RUFY3: variants seen among roughly 807,000 people sequenced by gnomAD.
RUFY3 encodes RUN and FYVE domain containing 3, also known as protein RUFY3.
RUFY3 carries 34 observed loss-of-function variants against 84.0 expected under a neutral mutation model. The ratio of observed to expected loss-of-function variants is 0.40; its 90% CI spans 0.31 to 0.54. RUFY3 has a LOEUF of 0.54. Among genes scored for constraint, RUFY3 ranks in the 20% least tolerant of loss-of-function variants. The pLI, the probability that RUFY3 is intolerant of heterozygous loss-of-function variation, is 0.39. For missense variants in RUFY3, 507 were observed against 736.8 expected (o/e 0.69, Z 3.61); for synonymous variants, 242 against 252.9 (o/e 0.96, Z 0.41).
At chr4:70,780,094 T>C (rs1405073288) in intron 8 of RUFY3, among the ~76,000 whole-genome samples, 7 of 152,180 alleles carry the variant, frequency 4.6e-5, no homozygotes, top group Non-Finnish European at 1.0e-4. Flanking sequence ...ATCTTAAAAC[T>C]TTATGCTTAG....
chr4:70,773,222 G>A (rs1485641207), intron 5 of RUFY3, among the ~76,000 whole-genome samples: 2 of 152,108 alleles, frequency 1.3e-5, no homozygotes, highest in Admixed American at 6.5e-5. Context: ...CAGAATACCC[G>A]AAATAAGCAA....
chr4:70,794,669 T>G (rs1434377550), intron 13 of RUFY3, 126 bp from the exon 14 acceptor site: 1 of 680,926 alleles, frequency 1.5e-6, no homozygotes, highest in Non-Finnish European at 2.6e-6. Context: ...AAAACCTGTC[T>G]CTCTGACAGC....
At chr4:70,804,907 A>T (rs1732677890) in intron 17 of RUFY3, among the ~76,000 whole-genome samples, 1 of 152,230 alleles carries the variant, frequency 6.6e-6, no homozygotes, top group Non-Finnish European at 1.5e-5. Flanking sequence ...CCTGGGCAAC[A>T]GAGCGAGACT....
At chr4:70,721,857 G>T (rs767335495), upstream of RUFY3, 11 of 1,230,186 alleles carry the variant, frequency 8.9e-6, no homozygotes, top group Non-Finnish European at 1.1e-5. Context: ...GGATGAGAGA[G>T]AGAAGCCTAA....
At chr4:70,762,783 A>G (rs1227594053) in intron 2 of RUFY3, 91 bp downstream of exon 2, 1 of 1,095,276 alleles carries the variant, frequency 9.1e-7, no homozygotes, top group East Asian at 2.5e-5. Context: ...GAGCCAAAGA[A>G]TAAGAGGCTT....
chr4:70,755,969 A>T (rs974137364), intron 1 of RUFY3, among the ~76,000 whole-genome samples: 1 of 151,968 alleles, frequency 6.6e-6, no homozygotes, highest in Admixed American at 6.6e-5. Flanking sequence ...AAAAAAGGAA[A>T]AAAAGAACAT....
At chr4:70,776,602 A>G (rs909797827) in intron 7 of RUFY3, among the ~76,000 whole-genome samples, 1 of 152,114 alleles carries the variant, frequency 6.6e-6, no homozygotes, top group Non-Finnish European at 1.5e-5. Flanking sequence ...GTGAAACCCC[A>G]TCTCTACTAA....
intron 1 of RUFY3, among the ~76,000 whole-genome samples, chr4:70,740,137 A>T (rs892549085): frequency 1.3e-5 from 2 of 152,196 alleles, no homozygotes; most frequent in African/African-American, 2.4e-5. Flanking sequence ...ATAGTGACTC[A>T]AAGGACCTTG....
At position 70,793,775 on chromosome 4, in the gene RUFY3, T is replaced by A; in HGVS notation, c.1338-10T>A. 6.2e-7 allele frequency: 1 copy of A among 1,613,980 alleles called. No individual in the cohort carries two copies. The highest frequency in any genetic ancestry group is 8.5e-7 in the Non-Finnish European group (1 of 1,179,918). The stretch of plus-strand genomic sequence containing the variant: ...GTTTTTTATCACAAGTTCATGTGGC[T>A]CACATCCAGATTGCGCCAGGCTGAG... On this transcript the variant is annotated splice_polypyrimidine_tract_variant and intron_variant, in intron 12 of 17. Transcript: ENST00000381006.
chr4:70,752,930 G>A (rs137872962), intron 1 of RUFY3, among the ~76,000 whole-genome samples: 13 of 152,182 alleles, frequency 8.5e-5, no homozygotes, highest in Admixed American at 2.6e-4. Context: ...GAATGAGTTC[G>A]GAAGTTCTCT....
intron 1 of RUFY3, among the ~76,000 whole-genome samples, chr4:70,756,043 T>C (rs1723961536): frequency 6.6e-6 from 1 of 152,144 alleles, no homozygotes; most frequent in South Asian, 2.1e-4. Flanking sequence ...ATGATTTCTT[T>C]AGTCCAGTGC....
intron 1 of RUFY3, among the ~76,000 whole-genome samples, chr4:70,739,448 C>G (rs1450750258): frequency 6.6e-6 from 1 of 152,106 alleles, no homozygotes; most frequent in African/African-American, 2.4e-5. Flanking sequence ...TTTATTTTCA[C>G]AATAGCCCTT....
chr4:70,721,534 C>G (rs1742298727), upstream of RUFY3, among the ~76,000 whole-genome samples: 1 of 151,682 alleles, frequency 6.6e-6, no homozygotes, highest in African/African-American at 2.4e-5. Context: ...TTTAGCTTTT[C>G]TTTTTATCTT....
chr4:70,806,811 G>T lies in RUFY3; in HGVS notation c.*152G>T, dbSNP rs1217392232. On this transcript the variant is annotated 3_prime_UTR_variant, in exon 18 of 18. Coordinates refer to ENST00000381006, the MANE Select transcript of RUFY3 (RefSeq NM_001037442.4). ...CCAGGGAGAAAAGGCAGTGGTTGGGGTTACTGGAAATTTTGCTCATTTTCT... is the reference window on the plus strand; with the variant it reads ...CCAGGGAGAAAAGGCAGTGGTTGGGTTTACTGGAAATTTTGCTCATTTTCT... 5.4e-6 allele frequency: 5 copies of T among 918,562 alleles called. No individual in the cohort carries two copies. The highest frequency in any genetic ancestry group is 7.9e-6 in the Non-Finnish European group (5 of 635,748). 56.9% of individuals were successfully genotyped at this position (918,562 alleles called of 1,614,324 possible).
chr4:70,781,486 TA>T (rs1728911584), intron 8 of RUFY3, among the ~76,000 whole-genome samples: 1 of 152,090 alleles, frequency 6.6e-6, no homozygotes, highest in Admixed American at 6.6e-5. Flanking sequence ...CTCAAATAAA[TA>T]AATAGATAAA....
chr4:70,787,181 A>T (rs1264549472), intron 10 of RUFY3, among the ~76,000 whole-genome samples: 20 of 126,846 alleles, frequency 1.6e-4, no homozygotes, highest in African/African-American at 6.5e-4. Context: ...AAAAAAAAAA[A>T]AAAAAAATAT....
At chr4:70,711,213 C>G (rs557183085) in intron 1 of RUFY3, among the ~76,000 whole-genome samples, 1 of 152,122 alleles carries the variant, frequency 6.6e-6, no homozygotes, top group East Asian at 1.9e-4. Context: ...CCTGCCTCGG[C>G]CTTCCAAAGT....
intron 17 of RUFY3, 71 bp from the exon 18 acceptor site, chr4:70,806,445 G>A (rs979796211): frequency 1.9e-6 from 3 of 1,556,878 alleles, no homozygotes; most frequent in Non-Finnish European, 2.6e-6. Context: ...GCCATATTTG[G>A]CTTTTTATAT....
Position 70,794,891 on chromosome 4 carries a change from G to A in RUFY3, c.1554G>A (p.Lys518=), listed in dbSNP as rs369064831. Residue 518 remains lysine, a synonymous_variant, in exon 14 of 18, where the codon AAG becomes AAA. Coordinates refer to ENST00000381006, the MANE Select transcript of RUFY3 (RefSeq NM_001037442.4). The part of the protein sequence containing the change: ...PGRGSQKSES[K]MDGKHKMQEE... The stretch of plus-strand genomic sequence containing the variant: ...GGGGTTCCCAGAAGTCAGAATCCAA[G>A]ATGGTAATATTTGCTATTCCCTTGT... 2.5e-6 allele frequency: 4 copies of A among 1,584,626 alleles called. No homozygotes were observed. The highest frequency in any genetic ancestry group is 1.1e-5 in the South Asian group (1 of 89,726).
Sources: allele counts gnomAD v4.1 joint callset (sites outside exome capture counted in the v4.1 genomes callset), GRCh38; gene constraint gnomAD v4.1.1; transcripts MANE v1.5; gene names NCBI Gene and HGNC (gene_info 2026-07-23, HGNC 2026-07-21).